The following ETV7 variants were observed in gnomAD, a reference collection of about 807,000 sequenced individuals.
ETV7 encodes the protein transcription factor ETV7.
Under a neutral mutation model 39.1 loss-of-function variants are expected in ETV7, and 43 were observed. The ratio of observed to expected loss-of-function variants is 1.10; its 90% CI spans 0.86 to 1.42. The LOEUF is 1.42. Among genes scored for constraint, ETV7 ranks in the 40% most tolerant of loss-of-function variants. The pLI is 0.00. For missense variants in ETV7, 432 were observed against 442.3 expected, an observed-to-expected ratio of 0.98 and a Z score of 0.21; for synonymous variants, 196 against 176.6, an observed-to-expected ratio of 1.11 and a Z score of -0.87.
intron 7 of ETV7, among the ~76,000 whole-genome samples, chr6:36,359,607 T>C (rs542133926): frequency 1.3e-5 from 2 of 152,360 alleles, no homozygotes; most frequent in African/African-American, 4.8e-5. Context: ...TCTCACTTGA[T>C]TCTATTTTAT....
rs1338597949 is a variant in ETV7, at chr6:36,366,682, A to T, written c.989T>A (p.Ile330Lys). Residue 330 changes from isoleucine to lysine, a missense_variant, in exon 8 of 8, where the codon ATA (isoleucine) becomes AAA (lysine). Physicochemically the swap from Ile to Lys is moderately radical, Grantham distance 102. Coordinates refer to ENST00000340181, the MANE Select transcript of ETV7 (RefSeq NM_016135.4). Reference protein sequence around the residue: ...EPLESQEQDRIEFKDKRPEIS... With the variant: ...EPLESQEQDRKEFKDKRPEIS... ...TTCTGGCCTCTTGTCCTTGAACTCT[A>T]TTCTGTCCTGCTCCTGGCTCTCCAG... 1 of 1,613,852 alleles carries T rather than the reference A, an allele frequency of 6.2e-7. No individual in the cohort carries two copies. The highest frequency in any genetic ancestry group is 8.5e-7 in the Non-Finnish European group (1 of 1,179,998).
At chr6:36,357,059 C>G (rs549068848) in intron 7 of ETV7, among the ~76,000 whole-genome samples, 1 of 152,192 alleles carries the variant, frequency 6.6e-6, no homozygotes, top group Admixed American at 6.5e-5. Flanking sequence ...TACAAATTAT[C>G]TCTTTTTTTT....
chr6:36,363,254 C>G (rs1317913735), downstream of ETV7, among the ~76,000 whole-genome samples: 3 of 152,146 alleles, frequency 2.0e-5, no homozygotes, highest in Non-Finnish European at 4.4e-5. Context: ...TCTGATGTTC[C>G]GACGTGTTCA....
intron 2 of ETV7, among the ~76,000 whole-genome samples, chr6:36,384,970 T>A (rs535384622): frequency 3.3e-5 from 5 of 152,250 alleles, no homozygotes; most frequent in Admixed American, 2.0e-4. Flanking sequence ...AAAAATTAAA[T>A]TTTTAATTGA....
rs763707740 is a variant in ETV7 at position 36,385,551 on chromosome 6, T to G, written c.125A>C (p.Lys42Thr). 8 of 1,614,258 alleles carry G rather than the reference T, an allele frequency of 5.0e-6. No individual in the cohort carries two copies. In the Admixed American group the frequency reaches 1.3e-4, roughly 27 times the overall value. The change falls in exon 2 of 8, where the codon AAG becomes ACG. Residue 42 changes from lysine (K) to threonine (T), a missense_variant. Coordinates refer to ENST00000340181, the MANE Select transcript of ETV7 (RefSeq NM_016135.4). ...CTACTTACGGAGTCTTCCTGGCAGC[T>G]TGCAGATCCCCCCTTCACCCAGCAG... ...INLLGEGGIC[K>T]LPGRLRIQPA...
chr6:36,362,084 G>A (rs1356600976), downstream of ETV7, among the ~76,000 whole-genome samples: 1 of 152,114 alleles, frequency 6.6e-6, no homozygotes, highest in Non-Finnish European at 1.5e-5. Flanking sequence ...GGATCACGAG[G>A]TCAGGAGATC....
chr6:36,387,474 G>C, intron 1 of ETV7, 62 bp downstream of exon 1: 3 of 1,611,270 alleles, frequency 1.9e-6, no homozygotes, highest in South Asian at 1.1e-5. Flanking sequence ...AGGTGGTGAG[G>C]AAAGGATGCG....
intron 2 of ETV7, among the ~76,000 whole-genome samples, chr6:36,381,399 T>G (rs1470206685): frequency 6.6e-6 from 1 of 152,132 alleles, no homozygotes; most frequent in Non-Finnish European, 1.5e-5. Flanking sequence ...AAAGCTACTT[T>G]CCATGCCTAC....
intron 7 of ETV7, among the ~76,000 whole-genome samples, chr6:36,361,122 A>G (rs1053770141): frequency 4.6e-5 from 7 of 152,242 alleles, no homozygotes; most frequent in Non-Finnish European, 7.3e-5. Flanking sequence ...AAAAAAATCA[A>G]GATCACGATT....
chr6:36,381,235 A>G (rs1401135961), intron 2 of ETV7, among the ~76,000 whole-genome samples: 4 of 152,138 alleles, frequency 2.6e-5, no homozygotes, highest in Non-Finnish European at 4.4e-5. Flanking sequence ...TCATCATCTG[A>G]GGCTAGAGGC....
intron 2 of ETV7, among the ~76,000 whole-genome samples, chr6:36,381,209 C>G (rs1773635399): frequency 1.3e-5 from 2 of 152,150 alleles, no homozygotes; most frequent in Admixed American, 1.3e-4. Context: ...GGCCAGTACC[C>G]TAAAAATGGG....
At position 36,375,870 on chromosome 6, in the gene ETV7, C is replaced by A. The variant is rs754933834; in HGVS notation, c.307+1G>T. ...GAGGAAAGCCTGTGCGTTTCCCTGA[C>A]CTGAGCTGGGCGCACGGTGCCGGAA... On this transcript the variant is annotated splice_donor_variant, in intron 3 of 7. Transcript: ENST00000340181. LOFTEE classifies it high-confidence loss of function. The A allele has an allele frequency of 1.1e-5, 18 of 1,614,040 alleles. No individual in the cohort carries two copies. The highest frequency in any genetic ancestry group is 9.9e-5 in the South Asian group (9 of 91,092).
chr6:36,376,680 G>A (rs1773377906), intron 2 of ETV7, among the ~76,000 whole-genome samples: 1 of 151,710 alleles, frequency 6.6e-6, no homozygotes, highest in African/African-American at 2.4e-5. Context: ...GGAGGCTGAA[G>A]CAGGTGAATC....
chr6:36,372,202 C>T (rs1403244292), intron 4 of ETV7, among the ~76,000 whole-genome samples: 1 of 152,070 alleles, frequency 6.6e-6, no homozygotes, highest in Non-Finnish European at 1.5e-5. Flanking sequence ...GTATCTAGAG[C>T]AGAGAGGGGA....
At chr6:36,382,561 C>T (rs1479281308) in intron 2 of ETV7, among the ~76,000 whole-genome samples, 2 of 152,188 alleles carry the variant, frequency 1.3e-5, no homozygotes, top group Non-Finnish European at 2.9e-5. Flanking sequence ...GAAGCCACAA[C>T]TGTTAGCGCT....
chr6:36,357,589 C>T (rs1019572393), intron 7 of ETV7, among the ~76,000 whole-genome samples: 1 of 152,154 alleles, frequency 6.6e-6, no homozygotes, highest in African/African-American at 2.4e-5. Flanking sequence ...ATAAGAACAC[C>T]TCCCCGGCCA....
chr6:36,362,073 C>T (rs9470258), downstream of ETV7, among the ~76,000 whole-genome samples: 8,251 of 152,058 alleles, frequency 0.054, 285 homozygotes, highest in Middle Eastern at 0.086. Context: ...CTGAGGCAGG[C>T]GGATCACGAG....
intron 7 of ETV7, chr6:36,354,756 G>A (rs1772295197): frequency 1.5e-6 from 1 of 665,492 alleles, no homozygotes. Context: ...CCAATTTAGG[G>A]AGTATTGCCA....
chr6:36,369,762 A>C (rs1772915952), intron 5 of ETV7, among the ~76,000 whole-genome samples: 1 of 152,206 alleles, frequency 6.6e-6, no homozygotes, highest in Admixed American at 6.5e-5. Flanking sequence ...GTGCACGAAG[A>C]ATGTTAAGCA....
Sources: gnomAD v4.1 joint callset for allele counts (sites outside exome capture counted in the v4.1 genomes callset) on GRCh38, gnomAD v4.1.1 for gene constraint, MANE v1.5 for transcripts, NCBI Gene and HGNC (gene_info 2026-07-23, HGNC 2026-07-21) for gene names.